The following MTMR2 variants were observed in gnomAD, a reference collection of about 807,000 sequenced individuals.
MTMR2 encodes the protein myotubularin related protein 2.
Under a neutral mutation model 86.9 loss-of-function variants are expected in MTMR2, and 55 were observed. The ratio of observed to expected loss-of-function variants is 0.63; its 90% CI spans 0.51 to 0.79. The LOEUF is 0.79. MTMR2 is among the 30% of genes least tolerant of loss of function. MTMR2 has a pLI of 0.00. For synonymous variants in MTMR2, 241 were observed against 266.8 expected (o/e 0.90, Z 0.94); for missense variants, 659 against 772.3 (o/e 0.85, Z 1.74).
chr11:95,838,183 C>G lies in MTMR2; in HGVS notation c.1504G>C (p.Glu502Gln), dbSNP rs61735578. The change falls in exon 13 of 15, where the codon GAG (glutamate) becomes CAG (glutamine). Residue 502 changes from glutamate to glutamine, a missense_variant. Physicochemically the swap from Glu to Gln is conservative, Grantham distance 29. This residue lies in a region of MTMR2 where 193 missense variants were observed against 191.6 expected (regional missense o/e 1.01). Coordinates refer to ENST00000346299, the MANE Select transcript of MTMR2 (RefSeq NM_016156.6). ...TCCAAAATGGTAATGAGAAAATACTCATTGAATTCAAATGCGGTAGGAAAC... is the reference window on the plus strand; with the variant it reads ...TCCAAAATGGTAATGAGAAAATACTGATTGAATTCAAATGCGGTAGGAAAC... The part of the protein sequence containing the change: ...RQFPTAFEFN[E>Q]YFLITILDHL... 43,737 of 1,605,020 alleles carry G rather than the reference C, an allele frequency of 0.027. 1,053 individuals are homozygous for G. The highest frequency in any genetic ancestry group is 0.09 in the South Asian group (8,180 of 90,830).
At chr11:95,873,814 C>G (rs1292088309) in intron 2 of MTMR2, among the ~76,000 whole-genome samples, 1 of 152,052 alleles carries the variant, frequency 6.6e-6, no homozygotes, top group Non-Finnish European at 1.5e-5. Flanking sequence ...TCATTGGTTT[C>G]AAAGAACATC....
intron 7 of MTMR2, among the ~76,000 whole-genome samples, chr11:95,852,232 A>T (rs979201942): frequency 6.6e-6 from 1 of 152,204 alleles, no homozygotes; most frequent in African/African-American, 2.4e-5. Flanking sequence ...AGATAAAGAA[A>T]CTATGGCACA....
At chr11:95,838,232 A>G (rs1484385444) in intron 12 of MTMR2, 25 bp from the exon 13 acceptor site, 1 of 1,220,108 alleles carries the variant, frequency 8.2e-7, no homozygotes. Flanking sequence ...TCACAAACAC[A>G]TAAATTAAGA....
intron 2 of MTMR2, among the ~76,000 whole-genome samples, chr11:95,880,817 A>T (rs941973588): frequency 6.6e-6 from 1 of 152,044 alleles, no homozygotes; most frequent in Non-Finnish European, 1.5e-5. Flanking sequence ...TTCTTTGCAT[A>T]TTTGGGTACT....
chr11:95,858,716 A>C (rs1027289678), intron 5 of MTMR2, 84 bp from the exon 6 acceptor site: 2 of 909,388 alleles, frequency 2.2e-6, no homozygotes, highest in African/African-American at 3.3e-5. Context: ...CTATCTTGTA[A>C]AATGTTAAGA....
At chr11:95,878,264 T>C (rs941357514) in intron 2 of MTMR2, among the ~76,000 whole-genome samples, 4 of 148,688 alleles carry the variant, frequency 2.7e-5, no homozygotes, top group African/African-American at 1.0e-4. Context: ...CAGAAAAAGA[T>C]TAGTGATTGC....
chr11:95,900,338 T>C (rs762352544), intron 1 of MTMR2, among the ~76,000 whole-genome samples: 4 of 152,090 alleles, frequency 2.6e-5, no homozygotes, highest in African/African-American at 4.8e-5. Flanking sequence ...AGGGACAAGA[T>C]ATAAAACAAG....
At chr11:95,914,925 T>A (rs930747484) in intron 1 of MTMR2, among the ~76,000 whole-genome samples, 2 of 152,208 alleles carry the variant, frequency 1.3e-5, no homozygotes, top group Non-Finnish European at 2.9e-5. Flanking sequence ...TATACAGTTA[T>A]GAGGATTATA....
At chr11:95,920,116 C>G (rs535505446) in intron 1 of MTMR2, among the ~76,000 whole-genome samples, 282 of 152,212 alleles carry the variant, frequency 1.9e-3, no homozygotes, top group African/African-American at 6.3e-3. Context: ...TCAGAGCACA[C>G]CCAACAAAAG....
chr11:95,898,262 TAA>T (rs113103300), intron 1 of MTMR2, among the ~76,000 whole-genome samples: 18 of 137,818 alleles, frequency 1.3e-4, no homozygotes, highest in Admixed American at 2.2e-4. Context: ...GGTTGGTTTT[TAA>T]AAAAAAAAAA....
At chr11:95,855,920 TGTG>T (rs1238416494) in intron 7 of MTMR2, among the ~76,000 whole-genome samples, 1 of 151,998 alleles carries the variant, frequency 6.6e-6, no homozygotes, top group African/African-American at 2.4e-5. Context: ...AGAATTAGAG[TGTG>T]GTGGTAATTG....
At chr11:95,892,281 A>C (rs1279736842) in intron 1 of MTMR2, among the ~76,000 whole-genome samples, 1 of 152,158 alleles carries the variant, frequency 6.6e-6, no homozygotes, top group African/African-American at 2.4e-5. Flanking sequence ...CTATTTAATA[A>C]CATCCTACCT....
At chr11:95,919,716 C>G (rs980685465) in intron 1 of MTMR2, among the ~76,000 whole-genome samples, 4 of 152,102 alleles carry the variant, frequency 2.6e-5, no homozygotes, top group African/African-American at 9.7e-5. Context: ...CAGCTTAGAC[C>G]TGAAATTGCA....
chr11:95,834,839 A>G lies in MTMR2; in HGVS notation c.*451T>C, dbSNP rs1014403486. The G allele has an allele frequency of 4.0e-5, 7 of 173,578 alleles. No individual in the cohort carries two copies. The East Asian group carries it at 1.0e-3, about 25-fold the overall frequency. The allele number at this position is 173,578 out of a possible 1,614,324, so 10.8% of individuals were successfully genotyped here. A position where few individuals can be genotyped will look rare whatever the true frequency, so the allele number is the denominator to read the frequency against. On this transcript the variant is annotated 3_prime_UTR_variant, in exon 15 of 15. Transcript: ENST00000346299. ...AAAAACCTAGAATGGAGAAAGGGAT[A>G]TCAAATGATTTTGATCTGTCATGAC...
In MTMR2 at chr11:95,893,397, C is replaced by T. The variant is rs566847134; in HGVS notation, c.81-5136G>A. On this transcript the variant is annotated intron_variant, in intron 1 of 14. Transcript: ENST00000346299. ...AAATATTTAACTTTCTTAACTTTCC[C>T]TTCATCTCATCTTCAACCTAGTAGA... Among the ~76,000 whole-genome samples, 78 of 151,924 alleles carry T rather than the reference C, an allele frequency of 5.1e-4. 2 individuals carry two copies. In the South Asian group the frequency reaches 9.6e-3, roughly 19 times the overall value.
At chr11:95,882,677 C>T (rs2135534373) in intron 2 of MTMR2, among the ~76,000 whole-genome samples, 1 of 150,890 alleles carries the variant, frequency 6.6e-6, no homozygotes, top group South Asian at 2.1e-4. Flanking sequence ...TATACATGTA[C>T]ATAAGATATC....
At chr11:95,893,183 T>C (rs1340039776) in intron 1 of MTMR2, among the ~76,000 whole-genome samples, 2 of 152,112 alleles carry the variant, frequency 1.3e-5, no homozygotes, top group Non-Finnish European at 2.9e-5. Flanking sequence ...AATTTTATTA[T>C]CCATAAAGAT....
intron 1 of MTMR2, among the ~76,000 whole-genome samples, chr11:95,900,653 A>G (rs1866040545): frequency 6.6e-6 from 1 of 151,866 alleles, no homozygotes; most frequent in African/African-American, 2.4e-5. Flanking sequence ...TTCAAAGCCA[A>G]TCCTTCCTCT....
Position 95,861,408 on chromosome 11 carries a change from A to G in MTMR2, c.468+584T>C, listed in dbSNP as rs929947039. Among the ~76,000 whole-genome samples, 10 of 144,960 alleles carry G rather than the reference A, an allele frequency of 6.9e-5. No individual in the cohort carries two copies. In the South Asian group the frequency reaches 1.3e-3, roughly 19 times the overall value. Reference sequence around the variant, plus strand: ...ACTATGTGCATTAAAGATGGTTATTATTATTATTATTATTATTATTATTAT... The same window carrying G: ...ACTATGTGCATTAAAGATGGTTATTGTTATTATTATTATTATTATTATTAT... On this transcript the variant is annotated intron_variant, in intron 5 of 14. Transcript: ENST00000346299.
Sources: gnomAD v4.1 joint callset for allele counts (sites outside exome capture counted in the v4.1 genomes callset) on GRCh38, gnomAD v4.1.1 for gene constraint, gnomAD v4.1.1 regional missense constraint, MANE v1.5 for transcripts, NCBI Gene and HGNC (gene_info 2026-07-23, HGNC 2026-07-21) for gene names.